The following TCF12 variants were observed in gnomAD, a reference collection of about 807,000 sequenced individuals.
The protein encoded by TCF12 is transcription factor 12, also known as DNA-binding protein HTF4.
TCF12 carries 45 observed loss-of-function variants against 86.0 expected under a neutral mutation model. The observed-to-expected ratio is 0.52, with a 90% CI of 0.41 to 0.67. The LOEUF (loss-of-function observed/expected upper bound fraction) is 0.67, where lower values mean the gene tolerates loss of function less well. TCF12 is among the 30% of genes least tolerant of loss of function. TCF12 has a pLI of 0.00. For missense variants in TCF12, 881 were observed against 859.9 expected, an observed-to-expected ratio of 1.02 and a Z score of -0.31; for synonymous variants, 330 against 299.6, an observed-to-expected ratio of 1.10 and a Z score of -1.05.
At chr15:57,136,876 CTT>C (rs1213102025) in intron 5 of TCF12, among the ~76,000 whole-genome samples, 19 of 149,204 alleles carry the variant, frequency 1.3e-4, no homozygotes, top group Non-Finnish European at 1.5e-5. Flanking sequence ...GTCTTGAACT[CTT>C]AGGCTCAAAT....
chr15:57,220,332 C>G (rs1189019893), intron 8 of TCF12, among the ~76,000 whole-genome samples: 1 of 152,010 alleles, frequency 6.6e-6, no homozygotes, highest in East Asian at 1.9e-4. Flanking sequence ...ATAAAAATAA[C>G]AAGTATGAAG....
chr15:57,059,349 A>T (rs1596333382), intron 3 of TCF12, among the ~76,000 whole-genome samples: 1 of 152,272 alleles, frequency 6.6e-6, no homozygotes. Flanking sequence ...GTATGGCCAG[A>T]TTGAATTGCT....
chr15:57,123,982 A>AAAAAAAAAAAAAAAAC (rs1555511574), intron 5 of TCF12, among the ~76,000 whole-genome samples: 1 of 111,214 alleles, frequency 9.0e-6, no homozygotes, highest in Non-Finnish European at 2.1e-5. Context: ...AAAAAAAAAA[A>AAAAAAAAAAAAAAAAC]TTTTTTTTTT....
At chr15:57,076,648 A>AAG (rs2070078770) in intron 4 of TCF12, among the ~76,000 whole-genome samples, 1 of 151,882 alleles carries the variant, frequency 6.6e-6, no homozygotes, top group Admixed American at 6.6e-5. Context: ...CAAAAAAAAA[A>AAG]AAAAGAAAAG....
chr15:57,054,208 A>G (rs1373408634), intron 3 of TCF12, among the ~76,000 whole-genome samples: 3 of 152,204 alleles, frequency 2.0e-5, no homozygotes, highest in Non-Finnish European at 4.4e-5. Flanking sequence ...GCCTCATTAC[A>G]GGAAATGAAT....
At chr15:57,028,027 G>A (rs2141316580) in intron 3 of TCF12, among the ~76,000 whole-genome samples, 1 of 151,960 alleles carries the variant, frequency 6.6e-6, no homozygotes, top group East Asian at 1.9e-4. Context: ...GTGGTGGTGT[G>A]GTCTTGGCTC....
At chr15:56,957,723 T>C (rs1389307702) in intron 3 of TCF12, among the ~76,000 whole-genome samples, 4 of 152,230 alleles carry the variant, frequency 2.6e-5, no homozygotes, top group Admixed American at 2.6e-4. Context: ...TTTTTCTTTT[T>C]TATCTGCCCT....
At chr15:57,151,022 A>C (rs2053713565) in intron 5 of TCF12, among the ~76,000 whole-genome samples, 1 of 149,998 alleles carries the variant, frequency 6.7e-6, no homozygotes. Flanking sequence ...TCTGTTACAC[A>C]GGCTAGGGTG....
chr15:57,038,175 C>T (rs191310254), intron 3 of TCF12, among the ~76,000 whole-genome samples: 2 of 152,128 alleles, frequency 1.3e-5, no homozygotes, highest in Admixed American at 1.3e-4. Flanking sequence ...CGTGGCGGCT[C>T]ATGCCTAGCA....
chr15:56,993,128 C>T (rs1268319303), intron 3 of TCF12, among the ~76,000 whole-genome samples: 4 of 152,026 alleles, frequency 2.6e-5, no homozygotes, highest in African/African-American at 9.7e-5. Context: ...GACAACTTAA[C>T]ACAATCTAAA....
chr15:57,047,874 A>G (rs571257777), intron 3 of TCF12, among the ~76,000 whole-genome samples: 1 of 152,364 alleles, frequency 6.6e-6, no homozygotes, highest in Non-Finnish European at 1.5e-5. Context: ...ATAGCTTACT[A>G]CACACCTAAG....
At chr15:56,931,912 A>G (rs1443638746) in intron 3 of TCF12, among the ~76,000 whole-genome samples, 1 of 152,228 alleles carries the variant, frequency 6.6e-6, no homozygotes, top group African/African-American at 2.4e-5. Flanking sequence ...TATTGTCTTA[A>G]GAACCATGAT....
chr15:56,982,370 G>A (rs745896954), intron 3 of TCF12, among the ~76,000 whole-genome samples: 3 of 152,044 alleles, frequency 2.0e-5, no homozygotes, highest in African/African-American at 7.2e-5. Context: ...GAATTCTTAC[G>A]CTTTTTAAAA....
rs1417620080 is a variant in TCF12 at position 57,232,403 on chromosome 15, T to C, written c.798T>C (p.Tyr266=). 1 of 1,610,460 alleles carries C rather than the reference T, an allele frequency of 6.2e-7. No individual in the cohort carries two copies. The highest frequency in any genetic ancestry group is 8.5e-7 in the Non-Finnish European group (1 of 1,178,982). ...STSHMSQSSS[Y]GNLHSHDRLS... Reference sequence around the variant, plus strand: ...CCCACATGTCTCAATCCAGTAGTTATGGCAACCTTCATTCACATGACCGCT... The same window carrying C: ...CCCACATGTCTCAATCCAGTAGTTACGGCAACCTTCATTCACATGACCGCT... The change falls in exon 10 of 21, where the codon TAT becomes TAC. Residue 266 remains tyrosine, a synonymous_variant. Coordinates refer to ENST00000333725, the MANE Select transcript of TCF12 (RefSeq NM_207037.2).
chr15:57,024,370 A>C (rs555976366), intron 3 of TCF12, among the ~76,000 whole-genome samples: 32 of 151,866 alleles, frequency 2.1e-4, no homozygotes, highest in African/African-American at 7.2e-4. Flanking sequence ...CCCGCCACCA[A>C]ACCCAACTAA....
intron 8 of TCF12, among the ~76,000 whole-genome samples, chr15:57,224,865 G>A (rs148790905): frequency 2.5e-4 from 38 of 152,134 alleles, no homozygotes; most frequent in Middle Eastern, 3.4e-3. Flanking sequence ...AATACCTGTG[G>A]TTTCAGTTCT....
chr15:57,184,223 C>G (rs1012776321), intron 6 of TCF12, among the ~76,000 whole-genome samples: 2 of 152,030 alleles, frequency 1.3e-5, no homozygotes, highest in Non-Finnish European at 2.9e-5. Flanking sequence ...TGTTGCAACA[C>G]TGAACGCTTA....
intron 12 of TCF12, among the ~76,000 whole-genome samples, chr15:57,234,537 A>AT (rs2059303799): frequency 6.6e-6 from 1 of 152,192 alleles, no homozygotes; most frequent in Non-Finnish European, 1.5e-5. Flanking sequence ...TACTCAAGGA[A>AT]TAGGAAATGA....
intron 12 of TCF12, among the ~76,000 whole-genome samples, chr15:57,236,067 A>T (rs542661729): frequency 6.6e-6 from 1 of 152,294 alleles, no homozygotes; most frequent in Middle Eastern, 3.4e-3. Context: ...CAGCTCTGTC[A>T]TCCTGTGTTG....
Sources: allele counts gnomAD v4.1 joint callset (sites outside exome capture counted in the v4.1 genomes callset), GRCh38; gene constraint gnomAD v4.1.1; transcripts MANE v1.5; gene names NCBI Gene and HGNC (gene_info 2026-07-23, HGNC 2026-07-21).